BTF3L4: variants seen among roughly 807,000 people sequenced by gnomAD.
BTF3L4 encodes basic transcription factor 3 like 4.
BTF3L4 carries 6 observed loss-of-function variants against 16.8 expected under a neutral mutation model. That is an observed-to-expected ratio of 0.36 (90% CI 0.20 to 0.71). BTF3L4 has a LOEUF of 0.71. Ranked by LOEUF, BTF3L4 falls within the 30% of genes least tolerant of loss-of-function variation. The probability of loss-of-function intolerance (pLI) is 0.58; values close to 1 mark genes in which losing one functional copy is unlikely to be tolerated. For missense variants in BTF3L4, 92 were observed against 186.9 expected, an observed-to-expected ratio of 0.49 and a Z score of 2.96; for synonymous variants, 39 against 59.8, an observed-to-expected ratio of 0.65 and a Z score of 1.60.
rs1316061849 is a variant in BTF3L4, at chr1:52,059,887, C to T, written c.40C>T (p.Arg14Trp). The T allele has an allele frequency of 1.9e-6, 3 of 1,611,750 alleles. No individual in the cohort carries two copies. The highest frequency in any genetic ancestry group is 1.1e-5 in the South Asian group (1 of 90,810). The part of the protein sequence containing the change: ...EKLAKLQAQV[R>W]IGGKGTARRK... Reference sequence around the variant, plus strand: ...GTTAGCCAAACTTCAGGCTCAGGTCCGGATAGGGGGCAAGGTGAGTGTGGC... The same window carrying T: ...GTTAGCCAAACTTCAGGCTCAGGTCTGGATAGGGGGCAAGGTGAGTGTGGC... The change falls in exon 2 of 6, where the codon CGG becomes TGG. Residue 14 changes from arginine to tryptophan, a missense_variant. By Grantham distance (101) the Arg-to-Trp change is moderately radical. Transcript: ENST00000313334.
rs1247127700 is a variant in BTF3L4, at chr1:52,089,828, A to T, written c.*3070A>T. On this transcript the variant is annotated 3_prime_UTR_variant, in exon 6 of 6. Coordinates refer to ENST00000313334, the MANE Select transcript of BTF3L4 (RefSeq NM_152265.5). ...GTAATGGTTTAAGAATATATCAAGCACCTTAATTTGTTGTTAAGTAGCTAG... is the reference window on the plus strand; with the variant it reads ...GTAATGGTTTAAGAATATATCAAGCTCCTTAATTTGTTGTTAAGTAGCTAG... 2 of 152,190 alleles carry T rather than the reference A, an allele frequency of 1.3e-5. No homozygotes were observed. The highest frequency in any genetic ancestry group is 2.1e-4 in the South Asian group (1 of 4,836). The allele number at this position is 152,190 out of a possible 1,614,324, so 9.4% of individuals were successfully genotyped here.
At position 52,090,271 on chromosome 1, in the gene BTF3L4, A is replaced by G. The variant is rs573172741; in HGVS notation, c.*3513A>G. 1 of 152,306 alleles carries G rather than the reference A, an allele frequency of 6.6e-6. No individual in the cohort carries two copies. Among genetic ancestry groups the G allele is most frequent in the East Asian group, 1.9e-4 (1 of 5,184 alleles). 9.4% of individuals were successfully genotyped at this position (152,306 alleles called of 1,614,324 possible). A position where few individuals can be genotyped will look rare whatever the true frequency, so the allele number is the denominator to read the frequency against. On this transcript the variant is annotated 3_prime_UTR_variant, in exon 6 of 6. Coordinates refer to ENST00000313334, the MANE Select transcript of BTF3L4 (RefSeq NM_152265.5). ...ACCTAGAAGAGTCATGATTTCTTAG[A>G]ATCCCCTAAATTATTAAGGTGAAGG...
At chr1:52,070,536 T>G (rs1465131870) in intron 3 of BTF3L4, among the ~76,000 whole-genome samples, 12 of 120,704 alleles carry the variant, frequency 9.9e-5, no homozygotes, top group African/African-American at 2.9e-4. Flanking sequence ...TCCAGCCTGG[T>G]GACAGAGCAA....
intron 2 of BTF3L4, among the ~76,000 whole-genome samples, chr1:52,064,085 C>T (rs934568066): frequency 1.3e-5 from 2 of 152,216 alleles, no homozygotes; most frequent in African/African-American, 4.8e-5. Flanking sequence ...TTTCATATTC[C>T]TCTTCCGTTC....
intron 3 of BTF3L4, among the ~76,000 whole-genome samples, chr1:52,071,731 A>C (rs1219922759): frequency 6.6e-6 from 1 of 152,148 alleles, no homozygotes. Flanking sequence ...GTTGTACAGA[A>C]AGAGGACCTA....
chr1:52,089,967 A>G lies in BTF3L4; in HGVS notation c.*3209A>G, dbSNP rs1644004798. The G allele has an allele frequency of 6.6e-6, 1 of 152,206 alleles. No individual in the cohort carries two copies. The highest frequency in any genetic ancestry group is 6.5e-5 in the Admixed American group (1 of 15,280). The allele number at this position is 152,206 out of a possible 1,614,324, so 9.4% of individuals were successfully genotyped here. A position where few individuals can be genotyped will look rare whatever the true frequency, so the allele number is the denominator to read the frequency against. ...TTGTTTTAATTCAGTGTTTAACCCT[A>G]GGTATGCTACATACCCATAAATAAG... On this transcript the variant is annotated 3_prime_UTR_variant, in exon 6 of 6. Coordinates refer to ENST00000313334, the MANE Select transcript of BTF3L4 (RefSeq NM_152265.5).
chr1:52,058,695 G>T (rs553046257), intron 1 of BTF3L4, among the ~76,000 whole-genome samples: 5 of 151,674 alleles, frequency 3.3e-5, no homozygotes, highest in African/African-American at 1.2e-4. Context: ...TCCGCCTCCC[G>T]GGTTCAGGCG....
chr1:52,056,738 C>T (rs1477551359), intron 1 of BTF3L4, among the ~76,000 whole-genome samples: 1 of 152,260 alleles, frequency 6.6e-6, no homozygotes, highest in Non-Finnish European at 1.5e-5. Context: ...GTTGTCATCT[C>T]ATTTGATGCT....
chr1:52,066,890 A>G (rs1485736789), intron 3 of BTF3L4, among the ~76,000 whole-genome samples: 2 of 151,984 alleles, frequency 1.3e-5, no homozygotes, highest in African/African-American at 4.8e-5. Context: ...TCACCTCACA[A>G]TTTTAAATAG....
intron 3 of BTF3L4, among the ~76,000 whole-genome samples, chr1:52,068,869 C>G (rs1335710312): frequency 6.6e-6 from 1 of 152,148 alleles, no homozygotes; most frequent in East Asian, 1.9e-4. Context: ...AGAAGCCTTC[C>G]TGGTAGCACC....
intron 3 of BTF3L4, among the ~76,000 whole-genome samples, chr1:52,076,724 A>G (rs916061062): frequency 7.2e-5 from 11 of 152,380 alleles, no homozygotes; most frequent in Admixed American, 2.0e-4. Context: ...AAATAAGCAG[A>G]TGCTGAGCTA....
intron 3 of BTF3L4, among the ~76,000 whole-genome samples, chr1:52,078,682 A>G (rs1686992355): frequency 6.6e-6 from 1 of 152,204 alleles, no homozygotes; most frequent in African/African-American, 2.4e-5. Flanking sequence ...AACAGCATAT[A>G]TAAATACACT....
intron 3 of BTF3L4, chr1:52,065,231 G>T: frequency 6.0e-6 from 1 of 166,344 alleles, no homozygotes. Context: ...TAATAATGTA[G>T]AAATAAACCC....
intron 3 of BTF3L4, among the ~76,000 whole-genome samples, chr1:52,073,493 T>TACAC (rs142147737): frequency 0.1 from 14,267 of 139,204 alleles, 769 homozygotes; most frequent in Admixed American, 0.16. Flanking sequence ...ATATGCTACA[T>TACAC]ACACACACAC....
In BTF3L4 at chr1:52,066,358, A is replaced by AT. The variant is rs201141498; in HGVS notation, c.168+1435dup. ...AGGCGCCCACCACCACACCCGGATA[A>AT]TTTTTTTTTTTTTTTGTATTTTTAG... On this transcript the variant is annotated intron_variant, in intron 3 of 5. Coordinates refer to ENST00000313334, the MANE Select transcript of BTF3L4 (RefSeq NM_152265.5). 5.4e-3 allele frequency among the ~76,000 whole-genome samples: 751 copies of AT among 138,888 alleles called. 4 individuals are homozygous for AT. Among genetic ancestry groups the AT allele is most frequent in the South Asian group, 0.013 (58 of 4,352 alleles). 91.1% of individuals were successfully genotyped at this position (138,888 alleles called of 152,430 possible).
intron 1 of BTF3L4, among the ~76,000 whole-genome samples, chr1:52,057,905 A>G (rs1311010265): frequency 6.6e-6 from 1 of 152,208 alleles, no homozygotes; most frequent in East Asian, 1.9e-4. Flanking sequence ...CTTTTATTTC[A>G]AACAAGTCAA....
chr1:52,061,663 G>A (rs1420146844), intron 2 of BTF3L4, among the ~76,000 whole-genome samples: 7 of 130,366 alleles, frequency 5.4e-5, no homozygotes, highest in South Asian at 2.4e-4. Context: ...TTTTTGAGAC[G>A]GAGTTTTGGT....
In BTF3L4 at chr1:52,088,926, T is replaced by TTTTTA. The variant is rs1643995713; in HGVS notation, c.*2172_*2173insATTTT. On this transcript the variant is annotated 3_prime_UTR_variant, in exon 6 of 6. Transcript: ENST00000313334. ...ACAGTAGCTGGGATTTTTTTTTTTTTTTTTTGTATTTTTAGTAGAGATGGG... is the reference window on the plus strand; with the variant it reads ...ACAGTAGCTGGGATTTTTTTTTTTTTTTTTATTTTTGTATTTTTAGTAGAGATGGG... 1 of 151,208 alleles carries TTTTTA rather than the reference T, an allele frequency of 6.6e-6. No homozygotes were observed. The highest frequency in any genetic ancestry group is 2.4e-5 in the African/African-American group (1 of 40,984). The allele number at this position is 151,208 out of a possible 1,614,324, so 9.4% of individuals were successfully genotyped here. A position where few individuals can be genotyped will look rare whatever the true frequency, so the allele number is the denominator to read the frequency against.
At chr1:52,075,241 G>A (rs1055596107) in intron 3 of BTF3L4, among the ~76,000 whole-genome samples, 5 of 151,744 alleles carry the variant, frequency 3.3e-5, no homozygotes, top group Non-Finnish European at 5.9e-5. Flanking sequence ...ATCATGTGAT[G>A]AACTTTTCTA....
Sources: allele counts gnomAD v4.1 joint callset (sites outside exome capture counted in the v4.1 genomes callset), GRCh38; gene constraint gnomAD v4.1.1; transcripts MANE v1.5; gene names NCBI Gene and HGNC (gene_info 2026-07-23, HGNC 2026-07-21).